The following SLC38A10 variants were observed in gnomAD, a reference collection of about 807,000 sequenced individuals.
The protein encoded by SLC38A10 is Sodium-coupled neutral amino acid transporter 10.
A neutral mutation model predicts 81.0 loss-of-function variants in SLC38A10; 53 were observed. The ratio of observed to expected loss-of-function variants is 0.65; its 90% CI spans 0.53 to 0.82. The LOEUF (loss-of-function observed/expected upper bound fraction) is 0.82, where lower values mean the gene tolerates loss of function less well. Ranked by LOEUF, SLC38A10 falls within the 40% of genes least tolerant of loss-of-function variation. The pLI is 0.00. For missense variants in SLC38A10, 1,471 were observed against 1,545.0 expected (o/e 0.95, Z 0.80); for synonymous variants, 665 against 655.3 (o/e 1.01, Z -0.23).
At chr17:81,291,806 G>C (rs771652251) in intron 1 of SLC38A10, among the ~76,000 whole-genome samples, 1 of 152,166 alleles carries the variant, frequency 6.6e-6, no homozygotes, top group Admixed American at 6.5e-5. Context: ...AGACACGCAT[G>C]GCGGTGCAGC....
At chr17:81,257,535 G>A (rs2062984014) in intron 11 of SLC38A10, among the ~76,000 whole-genome samples, 1 of 152,242 alleles carries the variant, frequency 6.6e-6, no homozygotes, top group Non-Finnish European at 1.5e-5. Flanking sequence ...ATCCGTGCAG[G>A]ACCTGGCCGA....
rs536875967 is a variant in SLC38A10 at position 81,248,237 on chromosome 17, A to G, written c.2066-1176T>C. 6.6e-5 allele frequency among the ~76,000 whole-genome samples: 10 copies of G among 152,240 alleles called. No individual in the cohort carries two copies. The South Asian group carries it at 8.3e-4, about 13-fold the overall frequency. ...CTCGCAAAGTGCTGGGATTACAGGC[A>G]TGAGCCACCGCACCCGGCCAAAAGC... On this transcript the variant is annotated intron_variant, in intron 14 of 15. Coordinates refer to ENST00000374759, the MANE Select transcript of SLC38A10 (RefSeq NM_001037984.3).
rs1413866697 is a variant in SLC38A10 at position 81,286,704 on chromosome 17, G to A, written c.218-1809C>T. 1.3e-5 allele frequency among the ~76,000 whole-genome samples: 2 copies of A among 152,120 alleles called. No homozygotes were observed. The highest frequency in any genetic ancestry group is 1.5e-5 in the Non-Finnish European group (1 of 68,026). ...TGAGGGCGCGGCCTCCATGCAGGGT[G>A]TACCCTACCCCAGGTGCAGTCAGAT... is the stretch of plus-strand genomic sequence containing the variant. On this transcript the variant is annotated intron_variant, in intron 2 of 15. Coordinates refer to ENST00000374759, the MANE Select transcript of SLC38A10 (RefSeq NM_001037984.3). The surrounding 1 kb of genome is among the most constrained non-coding windows in gnomAD (Gnocchi z 6.0).
intron 14 of SLC38A10, 65 bp from the exon 15 acceptor site, chr17:81,247,126 G>A (rs2062859800): frequency 8.7e-6 from 13 of 1,487,326 alleles, no homozygotes; most frequent in Admixed American, 2.0e-5. Flanking sequence ...GGCCAGGGAC[G>A]GCGCGGCCCA....
rs1057419025 is a variant in SLC38A10, at chr17:81,289,758, C to T, written c.150G>A (p.Thr50=). 20 of 1,610,546 alleles carry T rather than the reference C, an allele frequency of 1.2e-5. No homozygotes were observed. The highest frequency in any genetic ancestry group is 8.0e-5 in the African/African-American group (6 of 74,792). The change falls in exon 2 of 16, where the codon ACG becomes ACA. Residue 50 remains threonine (T), a synonymous_variant. Transcript: ENST00000374759. This position sits in a 1 kb window ranked among gnomAD's most constrained non-coding sequence, Gnocchi z 5.9. ...ALLLVFCSWM[T]HQSCMFLVKS... is the part of the protein sequence containing the mutation. ...TCACCAAGAACATGCACGACTGGTGCGTCATCCATGAGCAGAAGACCAAGA... is the reference window on the plus strand; with the variant it reads ...TCACCAAGAACATGCACGACTGGTGTGTCATCCATGAGCAGAAGACCAAGA...
chr17:81,277,946 G>GGACTCCTA lies in SLC38A10; in HGVS notation c.627-814_627-813insTAGGAGTC. On this transcript the variant is annotated intron_variant, in intron 6 of 15. Coordinates refer to ENST00000374759, the MANE Select transcript of SLC38A10 (RefSeq NM_001037984.3). The surrounding 1 kb of genome is among the most constrained non-coding windows in gnomAD (Gnocchi z 4.5). ...ACGAGGACTCTGGAGTGGGAGTCCA[G>GGACTCCTA]GGGGGTGCTCCTAGGGTGTCCAGGT... is the stretch of plus-strand genomic sequence containing the variant. Among the ~76,000 whole-genome samples the GGACTCCTA allele has an allele frequency of 6.6e-6, 1 of 152,214 alleles. No individual in the cohort carries two copies.
intron 1 of SLC38A10, among the ~76,000 whole-genome samples, chr17:81,292,750 C>T (rs1370445333): frequency 6.6e-6 from 1 of 152,200 alleles, no homozygotes; most frequent in African/African-American, 2.4e-5. Flanking sequence ...TGGTCCAAGG[C>T]TCGAGATAGC....
chr17:81,275,653 A>T (rs1235123404), intron 8 of SLC38A10, among the ~76,000 whole-genome samples: 1 of 143,806 alleles, frequency 7.0e-6, no homozygotes, highest in Non-Finnish European at 1.5e-5. Flanking sequence ...AATGGCGTGA[A>T]CCCGGGAGGC....
At chr17:81,294,618 G>C (rs910441840) in intron 1 of SLC38A10, among the ~76,000 whole-genome samples, 2 of 152,234 alleles carry the variant, frequency 1.3e-5, no homozygotes, top group Non-Finnish European at 2.9e-5. Flanking sequence ...GCTGACAAGG[G>C]CTGCCAGGGC....
In SLC38A10 at chr17:81,248,302, G is replaced by A. The variant is rs544190957; in HGVS notation, c.2066-1241C>T. 2.6e-5 allele frequency among the ~76,000 whole-genome samples: 4 copies of A among 152,304 alleles called. No individual in the cohort carries two copies. In the South Asian group the frequency reaches 6.2e-4, roughly 24 times the overall value. ...AGCATGGGAGCTGGAGCGTCAGTGA[G>A]GCCCCCGCCAGCCATCCTAACCACC... On this transcript the variant is annotated intron_variant, in intron 14 of 15. Transcript: ENST00000374759.
rs1277747813 is a variant in SLC38A10, at chr17:81,286,935, G to C, written c.218-2040C>G. Among the ~76,000 whole-genome samples, 3 of 152,176 alleles carry C rather than the reference G, an allele frequency of 2.0e-5. No individual in the cohort carries two copies. Among genetic ancestry groups the C allele is most frequent in the African/African-American group, 7.2e-5 (3 of 41,436 alleles). On this transcript the variant is annotated intron_variant, in intron 2 of 15. Transcript: ENST00000374759. The surrounding 1 kb of genome is among the most constrained non-coding windows in gnomAD (Gnocchi z 6.0). ...AACTCTCAACAGGGCAGGGTCTGGGGCTCAGAACAGCTTCATGAGAAGCCG... is the reference window on the plus strand; with the variant it reads ...AACTCTCAACAGGGCAGGGTCTGGGCCTCAGAACAGCTTCATGAGAAGCCG...
rs1004618852 is a variant in SLC38A10 at position 81,274,341 on chromosome 17, C to A, written c.912+1628G>T. 3.3e-5 allele frequency among the ~76,000 whole-genome samples: 5 copies of A among 152,348 alleles called. No homozygotes were observed. The East Asian group carries it at 5.8e-4, about 18-fold the overall frequency. Reference sequence around the variant, plus strand: ...GGAAGTCTGCAGGAGGCTGTGGTGACCGCACACCTGGCCACATGGACAGTG... The same window carrying A: ...GGAAGTCTGCAGGAGGCTGTGGTGAACGCACACCTGGCCACATGGACAGTG... On this transcript the variant is annotated intron_variant, in intron 8 of 15. Coordinates refer to ENST00000374759, the MANE Select transcript of SLC38A10 (RefSeq NM_001037984.3).
intron 6 of SLC38A10, 52 bp downstream of exon 6, chr17:81,280,557 G>T: frequency 6.2e-7 from 1 of 1,601,932 alleles, no homozygotes; most frequent in Non-Finnish European, 8.5e-7. Flanking sequence ...TCTCCCAGCA[G>T]CTCGCCCTCC....
Position 81,265,133 on chromosome 17 carries a change from C to T in SLC38A10, c.1132-4739G>A. Reference sequence around the variant, plus strand: ...TGGTGGCTCACACCTATAATCCCAGCACTTTGGGAGGCCAAGGCGAGTGGA... The same window carrying T: ...TGGTGGCTCACACCTATAATCCCAGTACTTTGGGAGGCCAAGGCGAGTGGA... On this transcript the variant is annotated intron_variant, in intron 10 of 15. Coordinates refer to ENST00000374759, the MANE Select transcript of SLC38A10 (RefSeq NM_001037984.3). The surrounding 1 kb of genome is among the most constrained non-coding windows in gnomAD (Gnocchi z 4.2). 1 of 152,492 alleles carries T rather than the reference C, an allele frequency of 6.6e-6. No individual in the cohort carries two copies. Among genetic ancestry groups the T allele is most frequent in the Non-Finnish European group, 1.5e-5 (1 of 68,140 alleles). The allele number at this position is 152,492 out of a possible 1,614,324, so 9.4% of individuals were successfully genotyped here.
rs1420622940 is a variant in SLC38A10, at chr17:81,252,291, C to T, written c.1849G>A (p.Gly617Ser). ...PQAVLSEQQN[G>S]LAVGGGEKAK... ...TTTTCCCCTCCACCCACCGCCAGGCCGTTCTGCTGCTCAGACAGCACTGCC... is the reference window on the plus strand; with the variant it reads ...TTTTCCCCTCCACCCACCGCCAGGCTGTTCTGCTGCTCAGACAGCACTGCC... Residue 617 changes from glycine to serine, a missense_variant, in exon 13 of 16, where the codon GGC becomes AGC. This residue lies in a region of SLC38A10 where 751 missense variants were observed against 717.4 expected (regional missense o/e 1.05). Transcript: ENST00000374759. The T allele has an allele frequency of 3.1e-6, 5 of 1,609,940 alleles. No individual in the cohort carries two copies. Among genetic ancestry groups the T allele is most frequent in the Middle Eastern group, 1.6e-4 (1 of 6,072 alleles).
chr17:81,260,949 A>G (rs2063017757), intron 10 of SLC38A10, among the ~76,000 whole-genome samples: 1 of 152,246 alleles, frequency 6.6e-6, no homozygotes, highest in African/African-American at 2.4e-5. Context: ...CAGCAGACGC[A>G]GGCCCGTGCG....
At chr17:81,271,477 C>T (rs187739174) in intron 9 of SLC38A10, among the ~76,000 whole-genome samples, 8 of 152,178 alleles carry the variant, frequency 5.3e-5, no homozygotes, top group East Asian at 3.9e-4. Context: ...GGGGAGAGTG[C>T]GTGCGAGTTC....
At position 81,246,407 on chromosome 17, in the gene SLC38A10, G is replaced by A. The variant is rs1355060585; in HGVS notation, c.2509C>T (p.Gln837Ter). ...RAAQAKLRDGQKDAAPRAAGT... is the reference protein window; with the variant it reads ...RAAQAKLRDG ...GCTGCCCTGGGGGCGGCATCCTTCT[G>A]GCCATCTCTCAGCTTGGCCTGGGCT... The change falls in exon 16 of 16, where the codon CAG becomes TAG. Residue 837 changes from glutamine to a stop codon, truncating the protein, a stop_gained. Coordinates refer to ENST00000374759, the MANE Select transcript of SLC38A10 (RefSeq NM_001037984.3). LOFTEE classifies it low-confidence loss of function (END_TRUNC). The A allele has an allele frequency of 2.5e-6, 4 of 1,601,156 alleles. No individual in the cohort carries two copies. In the East Asian group the frequency reaches 8.9e-5, roughly 36 times the overall value.
chr17:81,283,895 C>A lies in SLC38A10; in HGVS notation c.264-393G>T, dbSNP rs1016899558. On this transcript the variant is annotated intron_variant, in intron 3 of 15. Transcript: ENST00000374759. The surrounding 1 kb of genome is among the most constrained non-coding windows in gnomAD (Gnocchi z 4.7). ...AAAGTGCTGGGATTACAGGCGTGAGCCACTGTGCCTGGCCAACAGATGTGA... is the reference window on the plus strand; with the variant it reads ...AAAGTGCTGGGATTACAGGCGTGAGACACTGTGCCTGGCCAACAGATGTGA... Among the ~76,000 whole-genome samples the A allele has an allele frequency of 6.7e-6, 1 of 149,888 alleles. No homozygotes were observed. The highest frequency in any genetic ancestry group is 1.5e-5 in the Non-Finnish European group (1 of 67,542).
Sources: gnomAD v4.1 joint callset for allele counts (sites outside exome capture counted in the v4.1 genomes callset) on GRCh38, gnomAD v4.1.1 for gene constraint, gnomAD v4.1.1 regional missense constraint, Gnocchi (gnomAD v3.1) non-coding constraint, MANE v1.5 for transcripts, NCBI Gene and HGNC (gene_info 2026-07-23, HGNC 2026-07-21) for gene names.